ACYP2: variants seen among roughly 807,000 people sequenced by gnomAD.
ACYP2 encodes the protein acylphosphatase 2, also known as acylphosphatase-2.
A neutral mutation model predicts 11.2 loss-of-function variants in ACYP2; 12 were observed. The ratio of observed to expected loss-of-function variants is 1.08; its 90% CI spans 0.69 to 1.74. The LOEUF (loss-of-function observed/expected upper bound fraction) is 1.74, where lower values mean the gene tolerates loss of function less well. Among genes scored for constraint, ACYP2 ranks in the 40% most tolerant of loss-of-function variants. The pLI is 0.00. For missense variants in ACYP2, 134 were observed against 101.9 expected, an observed-to-expected ratio of 1.31 and a Z score of -1.35; for synonymous variants, 43 against 32.2, an observed-to-expected ratio of 1.33 and a Z score of -1.13.
intron 6 of ACYP2, among the ~76,000 whole-genome samples, chr2:54,231,734 A>G (rs942361577): frequency 6.6e-6 from 1 of 152,202 alleles, no homozygotes; most frequent in African/African-American, 2.4e-5. Context: ...GATTCCACTC[A>G]AGAGAGCGAC....
At chr2:54,158,532 A>T (rs143720439) in intron 6 of ACYP2, among the ~76,000 whole-genome samples, 210 of 152,168 alleles carry the variant, frequency 1.4e-3, no homozygotes, top group Non-Finnish European at 2.7e-3. Flanking sequence ...ATCACCATGC[A>T]CCAGCAATTC....
chr2:54,052,795 G>A (rs1419017556), intron 3 of ACYP2, among the ~76,000 whole-genome samples: 2 of 152,218 alleles, frequency 1.3e-5, no homozygotes, highest in East Asian at 3.9e-4. Context: ...CAGTCATTGG[G>A]AAGTTGATGG....
chr2:54,233,305 CTTTTTTT>C (rs1213428258), intron 6 of ACYP2, among the ~76,000 whole-genome samples: 1 of 129,230 alleles, frequency 7.7e-6, no homozygotes, highest in Non-Finnish European at 1.6e-5. Flanking sequence ...CCCTTCCAAA[CTTTTTTT>C]TTTTTTTTTT....
rs1679658709 is a variant in ACYP2, at chr2:54,114,797, A to G, written c.278-20656A>G. ...AGCATAAAAGACTTCATATTTTTAA[A>G]AAGTTTCTTATCCCAGAAAATATCA... On this transcript the variant is annotated intron_variant, in intron 4 of 6. Transcript: ENST00000607452. Among the ~76,000 whole-genome samples, 8 of 151,762 alleles carry G rather than the reference A, an allele frequency of 5.3e-5. 1 individual carries two copies. The South Asian group carries it at 1.5e-3, about 28-fold the overall frequency.
intron 6 of ACYP2, among the ~76,000 whole-genome samples, chr2:54,247,754 G>A (rs1687025840): frequency 6.6e-6 from 1 of 152,154 alleles, no homozygotes; most frequent in South Asian, 2.1e-4. Context: ...ATGTTCTACT[G>A]TGAAACAAAA....
chr2:54,205,403 T>C (rs2103919228), intron 6 of ACYP2, among the ~76,000 whole-genome samples: 1 of 152,216 alleles, frequency 6.6e-6, no homozygotes, highest in East Asian at 1.9e-4. Flanking sequence ...ACCTACTGTT[T>C]TCTGTTCTTG....
intron 2 of ACYP2, among the ~76,000 whole-genome samples, chr2:54,045,708 C>T (rs1393980803): frequency 2.6e-5 from 4 of 151,890 alleles, no homozygotes; most frequent in East Asian, 1.9e-4. Flanking sequence ...CCCAGCTACT[C>T]GGGAGGCTGA....
At chr2:54,276,355 A>G (rs1292207479) in intron 6 of ACYP2, among the ~76,000 whole-genome samples, 1 of 152,170 alleles carries the variant, frequency 6.6e-6, no homozygotes, top group Non-Finnish European at 1.5e-5. Flanking sequence ...AACATCCTAC[A>G]TACATTAGTC....
At chr2:54,198,010 T>C (rs1250287999) in intron 6 of ACYP2, among the ~76,000 whole-genome samples, 1 of 129,884 alleles carries the variant, frequency 7.7e-6, no homozygotes, top group Non-Finnish European at 1.6e-5. Flanking sequence ...TTGTATTGTA[T>C]TGTATTGTAT....
intron 2 of ACYP2, among the ~76,000 whole-genome samples, chr2:53,983,368 T>C (rs946800192): frequency 1.3e-5 from 2 of 152,046 alleles, no homozygotes; most frequent in Non-Finnish European, 2.9e-5. Context: ...TAGCTGGGTG[T>C]GGTGGCATGT....
At chr2:54,188,915 C>A (rs1182524719) in intron 6 of ACYP2, among the ~76,000 whole-genome samples, 1 of 152,156 alleles carries the variant, frequency 6.6e-6, no homozygotes, top group African/African-American at 2.4e-5. Flanking sequence ...ACAGCCCCTC[C>A]GCTCGTACTC....
chr2:54,018,422 C>G (rs757983376), intron 2 of ACYP2, among the ~76,000 whole-genome samples: 4 of 152,098 alleles, frequency 2.6e-5, no homozygotes, highest in African/African-American at 4.8e-5. Flanking sequence ...CAGGTGCTTT[C>G]TGATGTCTTT....
chr2:53,997,686 T>C (rs566336240), intron 2 of ACYP2, among the ~76,000 whole-genome samples: 1 of 152,228 alleles, frequency 6.6e-6, no homozygotes, highest in Non-Finnish European at 1.5e-5. Context: ...TTTGGTGTAA[T>C]AGGAGCACAG....
At chr2:54,213,097 C>G (rs1407966407) in intron 6 of ACYP2, among the ~76,000 whole-genome samples, 4 of 152,162 alleles carry the variant, frequency 2.6e-5, no homozygotes, top group African/African-American at 9.7e-5. Flanking sequence ...CTCCCACCCT[C>G]CACCCTCAAG....
At chr2:54,224,822 T>C (rs922227198) in intron 6 of ACYP2, among the ~76,000 whole-genome samples, 1 of 152,232 alleles carries the variant, frequency 6.6e-6, no homozygotes, top group African/African-American at 2.4e-5. Context: ...CCTCCCTACC[T>C]TAAAACGTTG....
chr2:54,133,686 G>A (rs1681061321), intron 4 of ACYP2, among the ~76,000 whole-genome samples: 1 of 152,124 alleles, frequency 6.6e-6, no homozygotes, highest in Non-Finnish European at 1.5e-5. Flanking sequence ...GCAATTTGAA[G>A]GACTGACTTG....
intron 6 of ACYP2, among the ~76,000 whole-genome samples, chr2:54,226,189 G>C (rs1422611502): frequency 6.6e-6 from 1 of 152,184 alleles, no homozygotes; most frequent in Non-Finnish European, 1.5e-5. Flanking sequence ...ACATGATGTA[G>C]TGGATGTCTT....
At chr2:53,977,464 C>T (rs1671550555) in intron 2 of ACYP2, among the ~76,000 whole-genome samples, 1 of 152,042 alleles carries the variant, frequency 6.6e-6, no homozygotes, top group Non-Finnish European at 1.5e-5. Flanking sequence ...AAGTCACTGC[C>T]AGGCTCACAC....
intron 4 of ACYP2, among the ~76,000 whole-genome samples, chr2:54,088,431 G>GT (rs1678054369): frequency 6.6e-6 from 1 of 152,170 alleles, no homozygotes; most frequent in African/African-American, 2.4e-5. Flanking sequence ...GAGCCCGTAC[G>GT]TTATTCACCA....
Sources: allele counts gnomAD v4.1 joint callset (sites outside exome capture counted in the v4.1 genomes callset), GRCh38; gene constraint gnomAD v4.1.1; transcripts MANE v1.5; gene names NCBI Gene and HGNC (gene_info 2026-07-23, HGNC 2026-07-21).